Variants in UTY observed in about 807,000 individuals in gnomAD.
UTY encodes ubiquitously transcribed tetratricopeptide repeat containing, Y-linked, also known as histone demethylase UTY.
In UTY, 12 loss-of-function variants were observed where a neutral mutation model predicts 32.5. The ratio of observed to expected loss-of-function variants is 0.37; its 90% CI spans 0.24 to 0.60. UTY has a LOEUF of 0.60. Among genes scored for constraint, UTY ranks in the 20% least tolerant of loss-of-function variants. The probability of loss-of-function intolerance (pLI) is 0.69; values close to 1 mark genes in which losing one functional copy is unlikely to be tolerated. For synonymous variants in UTY, 131 were observed against 103.4 expected (o/e 1.27, Z -1.62); for missense variants, 303 against 299.2 (o/e 1.01, Z -0.09).
intron 27 of UTY, among the ~76,000 whole-genome samples, chrY:13,263,262 A>G: frequency 1.2e-4 from 4 of 33,405 alleles, no homozygotes; most frequent in Non-Finnish European, 2.2e-4. Flanking sequence ...GAATAACTCA[A>G]TTGTGATTGC....
chrY:13,353,190 T>C, intron 17 of UTY, among the ~76,000 whole-genome samples: 1 of 33,849 alleles, frequency 3.0e-5, no homozygotes, highest in African/African-American at 1.2e-4. Flanking sequence ...ACACCTTTGT[T>C]AGGAACTAAT....
intron 4 of UTY, among the ~76,000 whole-genome samples, chrY:13,448,034 A>T: frequency 2.9e-5 from 1 of 33,900 alleles, no homozygotes; most frequent in Non-Finnish European, 7.4e-5. Context: ...TTGACAAGAT[A>T]GTAACTTTGT....
chrY:13,327,573 T>C, intron 18 of UTY, among the ~76,000 whole-genome samples: 1 of 33,691 alleles, frequency 3.0e-5, no homozygotes, highest in Non-Finnish European at 7.4e-5. Context: ...TTGACTTCTC[T>C]ATTTTTTAAA....
intron 3 of UTY, 150 bp downstream of exon 3, chrY:13,469,971 T>C (rs947288069): frequency 7.8e-5 from 9 of 115,373 alleles, no homozygotes; most frequent in Non-Finnish European, 1.3e-4. Flanking sequence ...CACATCTCTA[T>C]TTAGTCTAAA....
chrY:13,305,568 A>G, intron 23 of UTY, 21 bp from the exon 24 acceptor site: 1 of 376,810 alleles, frequency 2.7e-6, no homozygotes, highest in East Asian at 9.8e-5. Context: ...TTAACAGATT[A>G]AGAGTAAAAA....
At chrY:13,471,697 T>A (rs757972348) in intron 2 of UTY, among the ~76,000 whole-genome samples, 1 of 31,732 alleles carries the variant, frequency 3.2e-5, no homozygotes, top group East Asian at 8.1e-4. Context: ...GTGGTGCGCA[T>A]CTGTAGTCCC....
intron 27 of UTY, among the ~76,000 whole-genome samples, chrY:13,293,699 C>T: frequency 3.1e-5 from 1 of 32,454 alleles, no homozygotes; most frequent in African/African-American, 1.2e-4. Context: ...TGTAGAGACT[C>T]AACAAAGAAA....
chrY:13,284,968 T>G (rs2057255163), intron 27 of UTY, among the ~76,000 whole-genome samples: 1 of 34,368 alleles, frequency 2.9e-5, no homozygotes, highest in Non-Finnish European at 7.3e-5. Flanking sequence ...TACAGAATTC[T>G]ACAGCCTGGA....
chrY:13,411,209 G>T, intron 5 of UTY, 96 bp from the exon 6 acceptor site: 1 of 213,984 alleles, frequency 4.7e-6, no homozygotes, highest in East Asian at 1.3e-4. Context: ...TAATTTTATT[G>T]AAAGTACCAA....
chrY:13,288,027 T>C, intron 27 of UTY, among the ~76,000 whole-genome samples: 1 of 32,137 alleles, frequency 3.1e-5, no homozygotes, highest in Non-Finnish European at 7.6e-5. Flanking sequence ...TAGCCGAGCA[T>C]GTAGCCCAGT....
At chrY:13,356,863 G>A in intron 15 of UTY, among the ~76,000 whole-genome samples, 1 of 29,642 alleles carries the variant, frequency 3.4e-5, no homozygotes, top group Non-Finnish European at 8.0e-5. Flanking sequence ...GAGGAAAGCT[G>A]TTTTGTGTGG....
At chrY:13,385,586 G>A (rs2066634444) in intron 8 of UTY, among the ~76,000 whole-genome samples, 1 of 33,008 alleles carries the variant, frequency 3.0e-5, no homozygotes, top group Non-Finnish European at 7.5e-5. Flanking sequence ...CCTACACCTG[G>A]CTAATTTTTG....
intron 15 of UTY, among the ~76,000 whole-genome samples, chrY:13,356,331 A>AT (rs2062920771): frequency 9.8e-5 from 3 of 30,745 alleles, no homozygotes; most frequent in Non-Finnish European, 1.6e-4. Context: ...AATTTTTTGT[A>AT]TTTTTAGTGG....
intron 16 of UTY, 45 bp from the exon 17 acceptor site, chrY:13,355,443 T>C: frequency 2.7e-6 from 1 of 376,919 alleles, no homozygotes; most frequent in Non-Finnish European, 3.7e-6. Flanking sequence ...TTTGAAAATG[T>C]GTAGTTCATA....
intron 8 of UTY, among the ~76,000 whole-genome samples, chrY:13,392,755 A>G (rs2067711675): frequency 1.1e-3 from 36 of 33,684 alleles, no homozygotes; most frequent in Admixed American, 9.8e-3. Flanking sequence ...ATTCTGCATC[A>G]AATCTACTTC....
intron 6 of UTY, among the ~76,000 whole-genome samples, chrY:13,406,280 C>A (rs2069995674): frequency 6.1e-5 from 2 of 32,650 alleles, no homozygotes; most frequent in African/African-American, 2.4e-4. Context: ...TATTCTATGC[C>A]CACAGGTATC....
At chrY:13,467,316 C>T in intron 3 of UTY, among the ~76,000 whole-genome samples, 1 of 34,027 alleles carries the variant, frequency 2.9e-5, no homozygotes, top group Non-Finnish European at 7.3e-5. Flanking sequence ...ATGTCTGACC[C>T]ACCATGTGCC....
intron 2 of UTY, among the ~76,000 whole-genome samples, chrY:13,472,501 A>G: frequency 3.0e-5 from 1 of 33,210 alleles, no homozygotes; most frequent in Non-Finnish European, 7.4e-5. Context: ...CAGTATGGAG[A>G]TTTCTCAAAC....
Position 13,358,506 on chromosome Y carries a change from C to T in UTY, c.1434G>A (p.Leu478=). 1 of 378,535 alleles carries T rather than the reference C, an allele frequency of 2.6e-6. No homozygotes were observed. The highest frequency in any genetic ancestry group is 3.2e-5 in the South Asian group (1 of 31,025). 94.4% of individuals were successfully genotyped at this position (378,535 alleles called of 400,897 possible). The change falls in exon 14 of 30, where the codon CTG becomes CTA. Residue 478 remains leucine, a synonymous_variant. Transcript: ENST00000545955. The part of the protein sequence containing the change: ...HMITSSQVEG[L]SSPAKKKRTS... Reference sequence around the variant, plus strand: ...TTCTTTTCTTCTTGGCAGGACTGGACAGGCCTTCTACTTGGCTAGAAGTAA... The same window carrying T: ...TTCTTTTCTTCTTGGCAGGACTGGATAGGCCTTCTACTTGGCTAGAAGTAA...
Sources: gnomAD v4.1 joint callset for allele counts (sites outside exome capture counted in the v4.1 genomes callset) on GRCh38, gnomAD v4.1.1 for gene constraint, MANE v1.5 for transcripts, NCBI Gene and HGNC (gene_info 2026-07-23, HGNC 2026-07-21) for gene names.